Variants in STAG1 observed in about 807,000 individuals in gnomAD.
The protein encoded by STAG1 is cohesin subunit SA-1.
Under a neutral mutation model 170.9 loss-of-function variants are expected in STAG1, and 26 were observed. That is an observed-to-expected ratio of 0.15 (90% CI 0.11 to 0.21). The LOEUF is 0.21. Ranked by LOEUF, STAG1 falls within the 10% of genes least tolerant of loss-of-function variation. The pLI, the probability that STAG1 is intolerant of heterozygous loss-of-function variation, is 1.00. For missense variants in STAG1, 964 were observed against 1,509.5 expected (o/e 0.64, Z 5.99); for synonymous variants, 514 against 497.7 (o/e 1.03, Z -0.44).
At chr3:136,673,295 A>G (rs1559942911) in intron 1 of STAG1, among the ~76,000 whole-genome samples, 1 of 152,198 alleles carries the variant, frequency 6.6e-6, no homozygotes, top group African/African-American at 2.4e-5. Flanking sequence ...AATGTACTGA[A>G]TGAGTTTGCT....
intron 5 of STAG1, among the ~76,000 whole-genome samples, chr3:136,542,520 C>T (rs1185457868): frequency 6.6e-6 from 1 of 152,002 alleles, no homozygotes; most frequent in Admixed American, 6.6e-5. Flanking sequence ...GGTACAATCT[C>T]TATGGTATGC....
At chr3:136,348,089 G>A (rs1430247955) in intron 29 of STAG1, among the ~76,000 whole-genome samples, 2 of 152,074 alleles carry the variant, frequency 1.3e-5, no homozygotes, top group Non-Finnish European at 2.9e-5. Context: ...TTTTTAGGCA[G>A]CACAGGTAAG....
At chr3:136,518,234 A>G in intron 7 of STAG1, 1 of 576,080 alleles carries the variant, frequency 1.7e-6, no homozygotes, top group Non-Finnish European at 3.1e-6. Context: ...TCTGTACCCT[A>G]CAAAATAACT....
At chr3:136,463,041 A>C (rs748028014) in intron 13 of STAG1, among the ~76,000 whole-genome samples, 72 of 152,174 alleles carry the variant, frequency 4.7e-4, no homozygotes, top group Non-Finnish European at 7.9e-4. Flanking sequence ...GAATAAAATA[A>C]TGCTGAAAAA....
At chr3:136,526,169 T>A (rs1200859124) in intron 6 of STAG1, among the ~76,000 whole-genome samples, 2 of 152,204 alleles carry the variant, frequency 1.3e-5, no homozygotes, top group African/African-American at 4.8e-5. Flanking sequence ...TTCTGTCTCA[T>A]CGATCTGTCT....
At chr3:136,439,822 G>C (rs557650673) in intron 15 of STAG1, among the ~76,000 whole-genome samples, 3 of 152,078 alleles carry the variant, frequency 2.0e-5, no homozygotes, top group Non-Finnish European at 4.4e-5. Flanking sequence ...ACCTAGATTC[G>C]ATCAGTGAAA....
chr3:136,730,698 G>A lies in STAG1; in HGVS notation c.-84+21497C>T, dbSNP rs796546065. Among the ~76,000 whole-genome samples the A allele has an allele frequency of 5.3e-5, 8 of 152,306 alleles. No individual in the cohort carries two copies. In the South Asian group the frequency reaches 1.5e-3, roughly 28 times the overall value. On this transcript the variant is annotated intron_variant, in intron 1 of 33. Transcript: ENST00000383202. ...CACTGCTATAGTTTTAAAGCTGTCAGGTAATTCTAAGGTGCAGCCACTGGC... is the reference window on the plus strand; with the variant it reads ...CACTGCTATAGTTTTAAAGCTGTCAAGTAATTCTAAGGTGCAGCCACTGGC...
intron 5 of STAG1, among the ~76,000 whole-genome samples, chr3:136,566,803 T>C (rs1448004549): frequency 1.3e-5 from 2 of 152,232 alleles, no homozygotes; most frequent in Non-Finnish European, 1.5e-5. Flanking sequence ...CTCATTACAG[T>C]ACTCTCTGTA....
intron 6 of STAG1, among the ~76,000 whole-genome samples, chr3:136,537,493 TA>T (rs1935690026): frequency 1.3e-5 from 2 of 149,404 alleles, no homozygotes; most frequent in South Asian, 2.1e-4. Flanking sequence ...TTTTTTTGTT[TA>T]TTTTTTTTTT....
chr3:136,357,656 C>A, intron 28 of STAG1, 64 bp downstream of exon 28: 2 of 1,356,472 alleles, frequency 1.5e-6, no homozygotes, highest in Non-Finnish European at 2.0e-6. Context: ...AAAAATTTTT[C>A]AAAAAATAAA....
At chr3:136,751,145 A>T (rs1371029944) in intron 1 of STAG1, among the ~76,000 whole-genome samples, 1 of 151,900 alleles carries the variant, frequency 6.6e-6, no homozygotes, top group East Asian at 1.9e-4. Context: ...CTTTAACAGC[A>T]AATAATTTTT....
intron 29 of STAG1, among the ~76,000 whole-genome samples, chr3:136,348,037 T>C (rs1047852129): frequency 3.9e-5 from 6 of 152,216 alleles, no homozygotes; most frequent in African/African-American, 1.2e-4. Flanking sequence ...TAAATTCTAA[T>C]TAATTTTGCC....
At chr3:136,670,344 C>G (rs1286630265) in intron 1 of STAG1, among the ~76,000 whole-genome samples, 2 of 152,212 alleles carry the variant, frequency 1.3e-5, no homozygotes, top group African/African-American at 4.8e-5. Flanking sequence ...TAAAACTACA[C>G]TGGTAGAGCT....
At chr3:136,704,821 C>CA (rs67207510) in intron 1 of STAG1, among the ~76,000 whole-genome samples, 1,470 of 51,190 alleles carry the variant, frequency 0.029, 44 homozygotes, top group East Asian at 0.039. Flanking sequence ...GTCCCTGTCT[C>CA]AAAAAAAAAA....
intron 15 of STAG1, among the ~76,000 whole-genome samples, chr3:136,436,800 C>T (rs1340793953): frequency 1.3e-5 from 2 of 152,096 alleles, no homozygotes; most frequent in East Asian, 1.9e-4. Flanking sequence ...GATACAACAT[C>T]TTGTTCTTTA....
intron 5 of STAG1, among the ~76,000 whole-genome samples, chr3:136,567,216 G>C (rs1210321645): frequency 1.3e-5 from 2 of 152,124 alleles, no homozygotes; most frequent in Non-Finnish European, 2.9e-5. Context: ...CAATCCAACA[G>C]GTCTGTTGAT....
At chr3:136,343,150 C>T (rs1936051861) in intron 30 of STAG1, among the ~76,000 whole-genome samples, 1 of 152,204 alleles carries the variant, frequency 6.6e-6, no homozygotes, top group South Asian at 2.1e-4. Flanking sequence ...CATTACCCAA[C>T]TATACACAGA....
intron 6 of STAG1, among the ~76,000 whole-genome samples, chr3:136,529,861 C>T (rs772144093): frequency 2.6e-5 from 4 of 152,098 alleles, no homozygotes; most frequent in Admixed American, 2.6e-4. Flanking sequence ...ACAATTAACA[C>T]TATGACAGGA....
chr3:136,714,720 T>A (rs1448851227), intron 1 of STAG1, among the ~76,000 whole-genome samples: 2 of 150,812 alleles, frequency 1.3e-5, no homozygotes, highest in East Asian at 1.9e-4. Flanking sequence ...ACAGCGAGAC[T>A]CCGTCTCAAA....
Sources: gnomAD v4.1 joint callset for allele counts (sites outside exome capture counted in the v4.1 genomes callset) on GRCh38, gnomAD v4.1.1 for gene constraint, MANE v1.5 for transcripts, NCBI Gene and HGNC (gene_info 2026-07-23, HGNC 2026-07-21) for gene names.